SH3GL3: variants seen among roughly 807,000 people sequenced by gnomAD.
SH3GL3 encodes the protein endophilin-A3.
SH3GL3 carries 33 observed loss-of-function variants against 47.7 expected under a neutral mutation model. That is an observed-to-expected ratio of 0.69 (90% CI 0.52 to 0.92). SH3GL3 has a LOEUF of 0.92. Among genes scored for constraint, SH3GL3 ranks in the 40% least tolerant of loss-of-function variants. SH3GL3 has a pLI of 0.00. For synonymous variants in SH3GL3, 155 were observed against 148.8 expected (o/e 1.04, Z -0.30); for missense variants, 363 against 417.8 (o/e 0.87, Z 1.14).
intron 8 of SH3GL3, among the ~76,000 whole-genome samples, chr15:83,595,983 C>T (rs151304059): frequency 3.9e-5 from 6 of 152,124 alleles, no homozygotes; most frequent in Non-Finnish European, 7.3e-5. Flanking sequence ...TGAGTCCTTT[C>T]GCCTTTTCCG....
chr15:83,509,625 A>G (rs746902997), intron 1 of SH3GL3, among the ~76,000 whole-genome samples: 4 of 152,200 alleles, frequency 2.6e-5, no homozygotes, highest in Non-Finnish European at 4.4e-5. Context: ...TCCTGATACA[A>G]GAACTGTATT....
the SH3GL3 span, among the ~76,000 whole-genome samples, chr15:83,624,789 G>C: frequency 6.6e-6 from 1 of 152,170 alleles, no homozygotes; most frequent in Non-Finnish European, 1.5e-5. Context: ...TTAAAAATTA[G>C]CCAGGCATGG....
chr15:83,594,257 A>G (rs1443115978), intron 8 of SH3GL3, among the ~76,000 whole-genome samples: 4 of 152,146 alleles, frequency 2.6e-5, no homozygotes, highest in African/African-American at 9.7e-5. Context: ...TTTATTTTTT[A>G]GTTTTAGTTT....
At chr15:83,540,806 T>A (rs2044117978) in intron 1 of SH3GL3, among the ~76,000 whole-genome samples, 1 of 152,200 alleles carries the variant, frequency 6.6e-6, no homozygotes. Context: ...TTGTACTTCC[T>A]CAGTTACTCT....
At chr15:83,468,124 C>T in intron 1 of SH3GL3, among the ~76,000 whole-genome samples, 1 of 152,204 alleles carries the variant, frequency 6.6e-6, no homozygotes, top group African/African-American at 2.4e-5. Context: ...GCCACTGCGC[C>T]CTGCCAGGTA....
chr15:83,625,610 T>C, the SH3GL3 span, among the ~76,000 whole-genome samples: 1 of 152,232 alleles, frequency 6.6e-6, no homozygotes, highest in Non-Finnish European at 1.5e-5. Flanking sequence ...CTCTGTTCTC[T>C]TTTACCTAGC....
intron 8 of SH3GL3, among the ~76,000 whole-genome samples, chr15:83,592,937 CA>C (rs66650179): frequency 0.67 from 101,385 of 150,362 alleles, 36,267 homozygotes; most frequent in Non-Finnish European, 0.81. Flanking sequence ...AAAGAACAAA[CA>C]AAAAAAAAAC....
At chr15:83,605,246 G>A (rs895641659) in intron 8 of SH3GL3, among the ~76,000 whole-genome samples, 2 of 152,104 alleles carry the variant, frequency 1.3e-5, no homozygotes, top group South Asian at 2.1e-4. Flanking sequence ...AGTTTCCCTC[G>A]GTAGTAGCTT....
chr15:83,499,337 A>G (rs1266376964), intron 1 of SH3GL3, among the ~76,000 whole-genome samples: 1 of 151,230 alleles, frequency 6.6e-6, no homozygotes, highest in Non-Finnish European at 1.5e-5. Context: ...TCATTTGTAA[A>G]TCTGATATTT....
At chr15:83,568,075 C>T (rs113609435) in intron 3 of SH3GL3, among the ~76,000 whole-genome samples, 9 of 151,814 alleles carry the variant, frequency 5.9e-5, no homozygotes, top group South Asian at 2.1e-4. Flanking sequence ...CTCCGCCTCC[C>T]GGGTTCAAGC....
chr15:83,566,504 A>G (rs956984055), intron 3 of SH3GL3, among the ~76,000 whole-genome samples: 4 of 152,062 alleles, frequency 2.6e-5, no homozygotes, highest in African/African-American at 9.7e-5. Context: ...GCCAGGCACA[A>G]TGGCTTATGC....
chr15:83,598,362 T>C lies in SH3GL3; in HGVS notation c.838+9591T>C, dbSNP rs113026473. ...ACAGCATTCCGCTTTGGGAGCCATTTTGAACCTCATTTCCTCCATCTGCTG... is the reference window on the plus strand; with the variant it reads ...ACAGCATTCCGCTTTGGGAGCCATTCTGAACCTCATTTCCTCCATCTGCTG... On this transcript the variant is annotated intron_variant, in intron 8 of 8. Coordinates refer to ENST00000427482, the MANE Select transcript of SH3GL3 (RefSeq NM_003027.5). Among the ~76,000 whole-genome samples, 103 of 152,346 alleles carry C rather than the reference T, an allele frequency of 6.8e-4. 3 individuals are homozygous for C. The highest frequency in any genetic ancestry group is 2.4e-3 in the African/African-American group (99 of 41,584).
intron 6 of SH3GL3, among the ~76,000 whole-genome samples, chr15:83,578,770 G>A (rs756408631): frequency 6.6e-6 from 1 of 151,862 alleles, no homozygotes; most frequent in African/African-American, 2.4e-5. Flanking sequence ...CCAAGCAACA[G>A]CGATTTTGTT....
the SH3GL3 span, among the ~76,000 whole-genome samples, chr15:83,626,003 T>A: frequency 2.2e-4 from 33 of 152,312 alleles, no homozygotes; most frequent in Admixed American, 2.0e-3. Context: ...CAGCTAATTT[T>A]TATATTTTTA....
intron 1 of SH3GL3, among the ~76,000 whole-genome samples, chr15:83,542,242 A>C (rs2044204029): frequency 6.6e-6 from 1 of 151,966 alleles, no homozygotes; most frequent in South Asian, 2.1e-4. Context: ...TCCCCAATAT[A>C]TTGGTTCTTG....
intron 1 of SH3GL3, among the ~76,000 whole-genome samples, chr15:83,471,404 A>T (rs1427713324): frequency 6.6e-6 from 1 of 152,210 alleles, no homozygotes. Flanking sequence ...TACCTAATGA[A>T]CCACAACCAA....
downstream of SH3GL3, among the ~76,000 whole-genome samples, chr15:83,621,845 C>T (rs1596365401): frequency 6.6e-6 from 1 of 152,186 alleles, no homozygotes; most frequent in East Asian, 1.9e-4. Flanking sequence ...CACTGCTGAT[C>T]ACTGACTTTT....
chr15:83,574,399 C>T (rs1170088364), intron 5 of SH3GL3, among the ~76,000 whole-genome samples: 2 of 152,162 alleles, frequency 1.3e-5, no homozygotes, highest in African/African-American at 2.4e-5. Flanking sequence ...GCTCTCAAGC[C>T]AGTCCTCCTC....
chr15:83,588,822 A>G (rs1409458301), intron 8 of SH3GL3, 51 bp downstream of exon 8: 1 of 926,614 alleles, frequency 1.1e-6, no homozygotes, highest in East Asian at 2.4e-5. Context: ...AAGCACTTCT[A>G]GAAACACTTA....
Sources: gnomAD v4.1 joint callset for allele counts (sites outside exome capture counted in the v4.1 genomes callset) on GRCh38, gnomAD v4.1.1 for gene constraint, MANE v1.5 for transcripts, NCBI Gene and HGNC (gene_info 2026-07-23, HGNC 2026-07-21) for gene names.